TMEM131: variants seen among roughly 807,000 people sequenced by gnomAD.
TMEM131 encodes the protein transmembrane protein 131, also known as 2610524E03Rik.
A neutral mutation model predicts 211.6 loss-of-function variants in TMEM131; 66 were observed. The observed-to-expected ratio is 0.31, with a 90% CI of 0.26 to 0.38. The LOEUF is 0.38. Ranked by LOEUF, TMEM131 falls within the 10% of genes least tolerant of loss-of-function variation. TMEM131 has a pLI of 1.00. For synonymous variants in TMEM131, 844 were observed against 841.3 expected (o/e 1.00, Z -0.06); for missense variants, 2,036 against 2,299.3 (o/e 0.89, Z 2.34).
At chr2:97,761,085 G>A in intron 36 of TMEM131, 171 bp from the exon 37 acceptor site, 2 of 761,396 alleles carry the variant, frequency 2.6e-6, no homozygotes, top group Non-Finnish European at 2.1e-6. Flanking sequence ...TGCTTAATCA[G>A]ACAGAGATAG....
chr2:97,990,158 A>G (rs1680197507), intron 1 of TMEM131, among the ~76,000 whole-genome samples: 1 of 152,224 alleles, frequency 6.6e-6, no homozygotes, highest in Admixed American at 6.5e-5. Flanking sequence ...TAAGTCATCA[A>G]GAACAAAGAG....
chr2:97,798,866 C>A (rs10180837), intron 25 of TMEM131, among the ~76,000 whole-genome samples: 56,785 of 151,930 alleles, frequency 0.37, 11,696 homozygotes, highest in African/African-American at 0.51. Flanking sequence ...CCTTTTAAAT[C>A]AACTACTCTG....
chr2:97,881,663 CCT>C (rs1247949296), intron 4 of TMEM131, among the ~76,000 whole-genome samples: 1 of 137,950 alleles, frequency 7.2e-6, no homozygotes, highest in East Asian at 2.1e-4. Flanking sequence ...AAGATTTACC[CCT>C]GAGCTAGGGA....
rs187282994 is a variant in TMEM131, at chr2:97,786,820, A to G, written c.4144+5566T>C. Among the ~76,000 whole-genome samples the G allele has an allele frequency of 2.0e-5, 3 of 152,344 alleles. No individual in the cohort carries two copies. The East Asian group carries it at 5.8e-4, about 29-fold the overall frequency. On this transcript the variant is annotated intron_variant, in intron 31 of 40. Transcript: ENST00000186436. ...GGATCTATGTGAAGAACATTGCCATAGTCTCTGTAACAGAGCCACGATATC... is the reference window on the plus strand; with the variant it reads ...GGATCTATGTGAAGAACATTGCCATGGTCTCTGTAACAGAGCCACGATATC...
At chr2:97,946,510 A>G (rs1297458512) in intron 1 of TMEM131, among the ~76,000 whole-genome samples, 1 of 152,058 alleles carries the variant, frequency 6.6e-6, no homozygotes, top group Non-Finnish European at 1.5e-5. Context: ...AAATTCCTTC[A>G]AAGACTCAAA....
chr2:97,970,412 C>G (rs1679247088), intron 1 of TMEM131, among the ~76,000 whole-genome samples: 1 of 152,166 alleles, frequency 6.6e-6, no homozygotes, highest in Non-Finnish European at 1.5e-5. Context: ...GATAGCACGC[C>G]TAATCTGCAA....
intron 31 of TMEM131, among the ~76,000 whole-genome samples, chr2:97,784,812 G>A (rs924592723): frequency 6.6e-6 from 1 of 152,080 alleles, no homozygotes; most frequent in East Asian, 1.9e-4. Flanking sequence ...GAAACACAAA[G>A]CTGTTCTTTG....
intron 39 of TMEM131, chr2:97,759,383 C>G (rs1678691692): frequency 2.5e-5 from 13 of 530,196 alleles, no homozygotes; most frequent in Middle Eastern, 5.0e-4. Flanking sequence ...CCATTTCAGA[C>G]CAGAACCCTT....
intron 3 of TMEM131, among the ~76,000 whole-genome samples, chr2:97,899,229 A>G (rs888105007): frequency 3.3e-5 from 5 of 152,192 alleles, no homozygotes; most frequent in Non-Finnish European, 7.3e-5. Flanking sequence ...AGCATTTTAA[A>G]GATTAGTGTT....
intron 2 of TMEM131, among the ~76,000 whole-genome samples, chr2:97,918,162 T>A (rs1676590619): frequency 6.6e-6 from 1 of 152,136 alleles, no homozygotes; most frequent in Non-Finnish European, 1.5e-5. Flanking sequence ...CACGCTGGTC[T>A]CGAACTCCTG....
chr2:97,787,564 T>C (rs1489522442), intron 31 of TMEM131, among the ~76,000 whole-genome samples: 4 of 152,234 alleles, frequency 2.6e-5, no homozygotes, highest in African/African-American at 4.8e-5. Context: ...CCAGGCCTTA[T>C]ACAGGTGGAC....
At chr2:97,768,139 AAG>A (rs1372471295) in intron 33 of TMEM131, among the ~76,000 whole-genome samples, 1 of 152,252 alleles carries the variant, frequency 6.6e-6, no homozygotes, top group East Asian at 1.9e-4. Flanking sequence ...TGGAATTAGT[AAG>A]AGAGCAAACC....
chr2:97,951,946 C>T (rs559403044), intron 1 of TMEM131, among the ~76,000 whole-genome samples: 176 of 152,274 alleles, frequency 1.2e-3, no homozygotes, highest in Non-Finnish European at 1.9e-3. Context: ...ATCACGAGAT[C>T]AGGAGTTCAA....
At chr2:97,875,633 A>T (rs1262176737) in intron 4 of TMEM131, among the ~76,000 whole-genome samples, 7 of 152,220 alleles carry the variant, frequency 4.6e-5, no homozygotes, top group African/African-American at 1.7e-4. Flanking sequence ...GTAAATAATG[A>T]AATGAAGGCA....
At chr2:97,894,812 G>C (rs979265941) in intron 3 of TMEM131, among the ~76,000 whole-genome samples, 1 of 152,160 alleles carries the variant, frequency 6.6e-6, no homozygotes, top group Non-Finnish European at 1.5e-5. Context: ...CATTTCATCT[G>C]CGAACAGAGA....
intron 3 of TMEM131, among the ~76,000 whole-genome samples, chr2:97,896,046 G>A (rs1207957317): frequency 6.6e-6 from 1 of 152,024 alleles, no homozygotes; most frequent in African/African-American, 2.4e-5. Context: ...AATGTGTCCC[G>A]GAGATTCTGG....
At chr2:97,847,454 G>T (rs1475652527) in intron 5 of TMEM131, among the ~76,000 whole-genome samples, 1 of 152,080 alleles carries the variant, frequency 6.6e-6, no homozygotes, top group East Asian at 1.9e-4. Context: ...CACACACAAA[G>T]AAATACTGAG....
rs764545464 is a variant in TMEM131 at position 97,874,463 on chromosome 2, G to A, written c.359+13589C>T. ...TGAAATGAAGGAAAAAATGTTAAGC[G>A]CAGCCAGAGAGAAAGGTTGGGTTAC... On this transcript the variant is annotated intron_variant, in intron 4 of 40. Coordinates refer to ENST00000186436, the MANE Select transcript of TMEM131 (RefSeq NM_015348.2). 1.8e-4 allele frequency among the ~76,000 whole-genome samples: 27 copies of A among 152,290 alleles called. 1 individual carries two copies. The highest frequency in any genetic ancestry group is 1.9e-4 in the East Asian group (1 of 5,188).
At chr2:97,782,102 C>G (rs1283056308) in intron 31 of TMEM131, among the ~76,000 whole-genome samples, 4 of 152,210 alleles carry the variant, frequency 2.6e-5, no homozygotes, top group Admixed American at 6.5e-5. Context: ...CCTTCCTGGC[C>G]AGGCACTAAG....
Sources: gnomAD v4.1 joint callset for allele counts (sites outside exome capture counted in the v4.1 genomes callset) on GRCh38, gnomAD v4.1.1 for gene constraint, MANE v1.5 for transcripts, NCBI Gene and HGNC (gene_info 2026-07-23, HGNC 2026-07-21) for gene names.